Variants in INPP5D observed in about 807,000 individuals in gnomAD.
INPP5D encodes inositol polyphosphate-5-phosphatase D.
INPP5D carries 33 observed loss-of-function variants against 122.9 expected under a neutral mutation model. The observed-to-expected ratio is 0.27, with a 90% CI of 0.20 to 0.36. The LOEUF (loss-of-function observed/expected upper bound fraction) is 0.36, where lower values mean the gene tolerates loss of function less well. Among genes scored for constraint, INPP5D ranks in the 10% least tolerant of loss-of-function variants. INPP5D has a pLI of 1.00. For synonymous variants in INPP5D, 584 were observed against 576.2 expected, an observed-to-expected ratio of 1.01 and a Z score of -0.19; for missense variants, 1,053 against 1,412.7, an observed-to-expected ratio of 0.75 and a Z score of 4.08.
intron 2 of INPP5D, among the ~76,000 whole-genome samples, chr2:233,117,275 G>A (rs958971745): frequency 3.9e-5 from 6 of 152,290 alleles, no homozygotes; most frequent in Admixed American, 6.5e-5. Flanking sequence ...CTAACCTCCC[G>A]ATTCGAACCT....
Position 233,082,200 on chromosome 2 carries a change from T to A in INPP5D, c.198+2802T>A, listed in dbSNP as rs556666399. 3.3e-5 allele frequency among the ~76,000 whole-genome samples: 5 copies of A among 152,248 alleles called. No individual in the cohort carries two copies. The highest frequency in any genetic ancestry group is 2.0e-4 in the Admixed American group (3 of 15,286). On this transcript the variant is annotated intron_variant, in intron 2 of 26. Coordinates refer to ENST00000445964, the MANE Select transcript of INPP5D (RefSeq NM_001017915.3). This position sits in a 1 kb window ranked among gnomAD's most constrained non-coding sequence, Gnocchi z 4.7. ...AAGGTGAATTAAAGGGGAATTCTCA[T>A]AGGATTCTCCCAGGTGGACTCACCT... is the stretch of plus-strand genomic sequence containing the variant.
chr2:233,178,445 A>G (rs1473476543), intron 18 of INPP5D, among the ~76,000 whole-genome samples: 1 of 149,350 alleles, frequency 6.7e-6, no homozygotes, highest in Non-Finnish European at 1.5e-5. Flanking sequence ...ACTGACTGAG[A>G]ATTGTGGTAT....
At chr2:233,084,521 G>A (rs770850247) in intron 2 of INPP5D, among the ~76,000 whole-genome samples, 28 of 152,340 alleles carry the variant, frequency 1.8e-4, no homozygotes, top group African/African-American at 6.0e-4. Context: ...GGTCCCTGAC[G>A]GTGGCTGTCA....
In INPP5D at chr2:233,146,662, C is replaced by T. The variant is rs1369816878; in HGVS notation, c.906+224C>T. ...GGAAATCCCCTTCGGAGGGAAGCTA[C>T]AAGGGAGGAGTGTCTCATTGGGCCA... On this transcript the variant is annotated intron_variant, in intron 8 of 26. Coordinates refer to ENST00000445964, the MANE Select transcript of INPP5D (RefSeq NM_001017915.3). Among the ~76,000 whole-genome samples, 4 of 152,318 alleles carry T rather than the reference C, an allele frequency of 2.6e-5. No individual in the cohort carries two copies. In the South Asian group the frequency reaches 8.3e-4, roughly 32 times the overall value.
At chr2:233,134,001 G>A (rs748175103) in intron 5 of INPP5D, 8 of 456,356 alleles carry the variant, frequency 1.8e-5, no homozygotes, top group African/African-American at 1.6e-4. Flanking sequence ...GAACTGGTGT[G>A]ACCTGGGACA....
intron 1 of INPP5D, among the ~76,000 whole-genome samples, chr2:233,070,353 A>G (rs539352034): frequency 6.6e-6 from 1 of 151,974 alleles, no homozygotes; most frequent in African/African-American, 2.4e-5. Flanking sequence ...CCCTCTGCAC[A>G]CAGAAATTCA....
At chr2:233,123,926 G>A (rs1167987993) in intron 3 of INPP5D, among the ~76,000 whole-genome samples, 2 of 152,100 alleles carry the variant, frequency 1.3e-5, no homozygotes, top group African/African-American at 2.4e-5. Context: ...AAAACACATG[G>A]ACACAAAGAG....
intron 5 of INPP5D, chr2:233,134,212 G>A (rs1693408037): frequency 2.9e-6 from 1 of 346,756 alleles, no homozygotes; most frequent in Non-Finnish European, 5.8e-6. Context: ...GGCTTGAGGG[G>A]CCATGAGGCA....
intron 17 of INPP5D, among the ~76,000 whole-genome samples, chr2:233,175,957 C>T (rs1395535003): frequency 6.6e-6 from 1 of 152,172 alleles, no homozygotes; most frequent in East Asian, 1.9e-4. Context: ...GCTGGGATTA[C>T]AGGCATGAGC....
At chr2:233,151,263 A>G (rs956282692) in intron 9 of INPP5D, among the ~76,000 whole-genome samples, 1 of 152,078 alleles carries the variant, frequency 6.6e-6, no homozygotes, top group Non-Finnish European at 1.5e-5. Flanking sequence ...ACTTGGAGCC[A>G]GGAGTTTGAG....
intron 11 of INPP5D, 96 bp downstream of exon 11, chr2:233,161,922 T>A: frequency 6.7e-7 from 1 of 1,481,986 alleles, no homozygotes; most frequent in Non-Finnish European, 9.0e-7. Flanking sequence ...GACATCCATG[T>A]CCCCTTCCTT....
In INPP5D at chr2:233,197,736, C is replaced by T. The variant is rs1695220722; in HGVS notation, c.2694-359C>T. Among the ~76,000 whole-genome samples the T allele has an allele frequency of 6.6e-6, 1 of 152,210 alleles. No individual in the cohort carries two copies. Among genetic ancestry groups the T allele is most frequent in the African/African-American group, 2.4e-5 (1 of 41,454 alleles). ...AGTTGGTCCCAACACTTCACTAGTC[C>T]CCATCTCTGCCCCTTGTTATTCTCA... On this transcript the variant is annotated intron_variant, in intron 24 of 26. Coordinates refer to ENST00000445964, the MANE Select transcript of INPP5D (RefSeq NM_001017915.3). The surrounding 1 kb of genome is among the most constrained non-coding windows in gnomAD (Gnocchi z 4.4).
At chr2:233,178,535 T>C (rs968060263) in intron 18 of INPP5D, among the ~76,000 whole-genome samples, 5 of 151,950 alleles carry the variant, frequency 3.3e-5, no homozygotes, top group Admixed American at 2.0e-4. Flanking sequence ...CAGGCTGGAG[T>C]ACAGTGGCAA....
chr2:233,109,035 T>TG (rs1423710628), intron 2 of INPP5D, among the ~76,000 whole-genome samples: 30 of 151,762 alleles, frequency 2.0e-4, no homozygotes, highest in African/African-American at 6.8e-4. Flanking sequence ...AATCAAGCCA[T>TG]GGGTTGTGGC....
intron 2 of INPP5D, among the ~76,000 whole-genome samples, chr2:233,081,771 T>A (rs1207732338): frequency 6.6e-6 from 1 of 151,506 alleles, no homozygotes; most frequent in Non-Finnish European, 1.5e-5. Context: ...GAGCATGGGG[T>A]CTGCACGCAG....
At chr2:233,114,173 G>A (rs1692719250) in intron 2 of INPP5D, among the ~76,000 whole-genome samples, 1 of 152,150 alleles carries the variant, frequency 6.6e-6, no homozygotes, top group Non-Finnish European at 1.5e-5. Flanking sequence ...CTCCCAAAGG[G>A]CTGGGATTAC....
rs1363642750 is a variant in INPP5D, at chr2:233,188,590, C to A, written c.2359-1260C>A. Among the ~76,000 whole-genome samples, 1 of 152,158 alleles carries A rather than the reference C, an allele frequency of 6.6e-6. No homozygotes were observed. The highest frequency in any genetic ancestry group is 2.4e-5 in the African/African-American group (1 of 41,444). On this transcript the variant is annotated intron_variant, in intron 21 of 26. Transcript: ENST00000445964. The surrounding 1 kb of genome is among the most constrained non-coding windows in gnomAD (Gnocchi z 4.7). ...CTGGAACTTTTTTTTGAGACTGAGT[C>A]TTGTTCTGTTGCCCAGGCTGGAGTG...
At chr2:233,126,364 G>T (rs1290027769) in intron 4 of INPP5D, among the ~76,000 whole-genome samples, 1 of 152,206 alleles carries the variant, frequency 6.6e-6, no homozygotes, top group Non-Finnish European at 1.5e-5. Flanking sequence ...GAGGCTGCCA[G>T]GGCTGCCCTC....
At chr2:233,116,244 G>GATAT (rs1441084928) in intron 2 of INPP5D, among the ~76,000 whole-genome samples, 1 of 97,292 alleles carries the variant, frequency 1.0e-5, no homozygotes, top group African/African-American at 5.6e-5. Flanking sequence ...TAGATAGATA[G>GATAT]ATAGATAGAT....
Sources: allele counts gnomAD v4.1 joint callset (sites outside exome capture counted in the v4.1 genomes callset), GRCh38; gene constraint gnomAD v4.1.1; non-coding constraint Gnocchi (gnomAD v3.1); transcripts MANE v1.5; gene names NCBI Gene and HGNC (gene_info 2026-07-23, HGNC 2026-07-21).